The following ZBTB20 variants were observed in gnomAD, a reference collection of about 807,000 sequenced individuals.
ZBTB20 encodes the protein zinc finger and BTB domain containing 20, also known as zinc finger and BTB domain-containing protein 20.
ZBTB20 carries 9 observed loss-of-function variants against 56.9 expected under a neutral mutation model. The observed-to-expected ratio is 0.16, with a 90% CI of 0.10 to 0.28. The LOEUF (loss-of-function observed/expected upper bound fraction) is 0.28. Ranked by LOEUF, ZBTB20 falls within the 10% of genes least tolerant of loss-of-function variation. ZBTB20 has a pLI of 1.00. For synonymous variants in ZBTB20, 417 were observed against 420.7 expected (o/e 0.99, Z 0.11); for missense variants, 655 against 1,003.0 (o/e 0.65, Z 4.69).
At chr3:114,996,244 C>T (rs1015079441) in intron 2 of ZBTB20, among the ~76,000 whole-genome samples, 1 of 151,664 alleles carries the variant, frequency 6.6e-6, no homozygotes, top group African/African-American at 2.4e-5. Flanking sequence ...CTCCGGGGTA[C>T]ATGTGTAGAA....
intron 4 of ZBTB20, among the ~76,000 whole-genome samples, chr3:114,853,535 A>G (rs1444764383): frequency 6.6e-6 from 1 of 152,070 alleles, no homozygotes; most frequent in Non-Finnish European, 1.5e-5. Context: ...CTCCTCTCCA[A>G]TCCTTCTCTC....
Position 114,315,635 on chromosome 3 carries a change from A to G in ZBTB20, c.*23370T>C, listed in dbSNP as rs1032049061. 3.3e-5 allele frequency: 5 copies of G among 151,530 alleles called. No homozygotes were observed. Among genetic ancestry groups the G allele is most frequent in the African/African-American group, 1.2e-4 (5 of 41,166 alleles). The allele number at this position is 151,530 out of a possible 1,614,324, so 9.4% of individuals were successfully genotyped here. A position where few individuals can be genotyped will look rare whatever the true frequency, so the allele number is the denominator to read the frequency against. On this transcript the variant is annotated 3_prime_UTR_variant, in exon 12 of 12. Transcript: ENST00000675478. ...CAGTAGCAATTGCAAAAAAGGGACC[A>G]TATTCCTTTCCATACTAAGATACAA...
At chr3:114,696,751 T>C (rs964409051) in intron 5 of ZBTB20, among the ~76,000 whole-genome samples, 6 of 150,934 alleles carry the variant, frequency 4.0e-5, no homozygotes, top group Non-Finnish European at 8.9e-5. Flanking sequence ...GTTACTCCAA[T>C]GAAAGAAAAG....
chr3:114,394,809 A>T (rs1271608946), intron 7 of ZBTB20, among the ~76,000 whole-genome samples: 1 of 152,170 alleles, frequency 6.6e-6, no homozygotes, highest in Non-Finnish European at 1.5e-5. Flanking sequence ...ATTCTAGGCC[A>T]GTTTGTCAGG....
intron 5 of ZBTB20, among the ~76,000 whole-genome samples, chr3:114,703,863 A>G (rs148425589): frequency 6.6e-6 from 1 of 152,218 alleles, no homozygotes; most frequent in African/African-American, 2.4e-5. Flanking sequence ...TCATTTGTCT[A>G]TATGTAGAAA....
chr3:115,011,390 G>A (rs1006930057), intron 2 of ZBTB20, among the ~76,000 whole-genome samples: 5 of 151,718 alleles, frequency 3.3e-5, no homozygotes, highest in Non-Finnish European at 7.4e-5. Flanking sequence ...GGATAAAAAA[G>A]GATCCTAAAA....
chr3:115,020,254 T>C (rs1168146569), intron 2 of ZBTB20, among the ~76,000 whole-genome samples: 1 of 151,196 alleles, frequency 6.6e-6, no homozygotes, highest in Non-Finnish European at 1.5e-5. Context: ...TATTTTAAAA[T>C]TGATATATGT....
intron 7 of ZBTB20, among the ~76,000 whole-genome samples, chr3:114,414,513 A>C: frequency 6.6e-6 from 1 of 152,062 alleles, no homozygotes; most frequent in Admixed American, 6.6e-5. Context: ...GAGATTGTGT[A>C]ATGCAAGAGT....
intron 3 of ZBTB20, among the ~76,000 whole-genome samples, chr3:114,941,457 G>A (rs1319477540): frequency 6.8e-6 from 1 of 146,038 alleles, no homozygotes; most frequent in East Asian, 1.9e-4. Flanking sequence ...CCTAAATTCT[G>A]TTAAAACACA....
At chr3:114,465,697 A>G (rs1236998917) in intron 7 of ZBTB20, among the ~76,000 whole-genome samples, 1 of 151,768 alleles carries the variant, frequency 6.6e-6, no homozygotes. Flanking sequence ...ACAGAGTGAG[A>G]TTCTGTCTTA....
At chr3:114,796,953 G>C (rs1014919922) in intron 5 of ZBTB20, among the ~76,000 whole-genome samples, 4 of 151,828 alleles carry the variant, frequency 2.6e-5, no homozygotes, top group Non-Finnish European at 5.9e-5. Flanking sequence ...GTCAAGTCAT[G>C]AGAAGAGTAT....
At chr3:114,397,609 C>G (rs1479102900) in intron 7 of ZBTB20, among the ~76,000 whole-genome samples, 1 of 151,382 alleles carries the variant, frequency 6.6e-6, no homozygotes, top group Non-Finnish European at 1.5e-5. Context: ...AACTCCTGCC[C>G]TTCAAAAATC....
chr3:114,767,503 A>G (rs2068863682), intron 5 of ZBTB20, among the ~76,000 whole-genome samples: 1 of 151,962 alleles, frequency 6.6e-6, no homozygotes, highest in South Asian at 2.1e-4. Context: ...ATTGAAAAGA[A>G]AAAGGAAGAA....
At chr3:114,446,519 C>T (rs907677567) in intron 7 of ZBTB20, among the ~76,000 whole-genome samples, 21 of 152,170 alleles carry the variant, frequency 1.4e-4, no homozygotes, top group Admixed American at 2.6e-4. Context: ...ACCTTAGCTG[C>T]CCAGAAAAAC....
At chr3:114,593,477 G>A (rs1473119044) in intron 6 of ZBTB20, among the ~76,000 whole-genome samples, 6 of 150,328 alleles carry the variant, frequency 4.0e-5, no homozygotes, top group Admixed American at 1.3e-4. Context: ...CTCTGCCTCT[G>A]GGGTTTAAGC....
At chr3:115,135,376 A>T (rs1041415920) in intron 1 of ZBTB20, among the ~76,000 whole-genome samples, 1 of 152,188 alleles carries the variant, frequency 6.6e-6, no homozygotes, top group Admixed American at 6.5e-5. Flanking sequence ...CATTATACTT[A>T]TTCCTAAGAA....
chr3:114,524,876 G>C (rs1043897003), intron 6 of ZBTB20, among the ~76,000 whole-genome samples: 1 of 151,988 alleles, frequency 6.6e-6, no homozygotes, highest in Admixed American at 6.6e-5. Flanking sequence ...CACCACACCC[G>C]GCTAATTTTT....
chr3:115,055,104 C>T (rs2081710531), intron 2 of ZBTB20, among the ~76,000 whole-genome samples: 1 of 151,556 alleles, frequency 6.6e-6, no homozygotes, highest in African/African-American at 2.4e-5. Flanking sequence ...TTTCTATTAT[C>T]ACTAATATAT....
chr3:115,001,299 C>T (rs2079239485), intron 2 of ZBTB20, among the ~76,000 whole-genome samples: 2 of 151,342 alleles, frequency 1.3e-5, no homozygotes, highest in African/African-American at 4.8e-5. Context: ...TCAGATTACT[C>T]TTTTATATCC....
Sources: gnomAD v4.1 joint callset for allele counts (sites outside exome capture counted in the v4.1 genomes callset) on GRCh38, gnomAD v4.1.1 for gene constraint, MANE v1.5 for transcripts, NCBI Gene and HGNC (gene_info 2026-07-23, HGNC 2026-07-21) for gene names.